The following ZC3H12B variants were observed in gnomAD, a reference collection of about 807,000 sequenced individuals.
The protein encoded by ZC3H12B is probable ribonuclease ZC3H12B.
In ZC3H12B, 7 loss-of-function variants were observed where a neutral mutation model predicts 43.9. That is an observed-to-expected ratio of 0.16 (90% CI 0.09 to 0.30). ZC3H12B has a LOEUF of 0.30. Ranked by LOEUF, ZC3H12B falls within the 10% of genes least tolerant of loss-of-function variation. The pLI is 1.00. For missense variants in ZC3H12B, 475 were observed against 670.2 expected (o/e 0.71, Z 3.22); for synonymous variants, 222 against 241.7 (o/e 0.92, Z 0.76).
At chrX:65,422,549 T>TA (rs1491246123) in intron 3 of ZC3H12B, among the ~76,000 whole-genome samples, 3 of 109,624 alleles carry the variant, frequency 2.7e-5, no homozygotes, top group Non-Finnish European at 3.8e-5. Flanking sequence ...TTTTTTTTTT[T>TA]ATTATACTTT....
the ZC3H12B span, among the ~76,000 whole-genome samples, chrX:65,119,640 CTTTAG>C: frequency 9.0e-6 from 1 of 111,665 alleles, no homozygotes; most frequent in Admixed American, 9.5e-5. Context: ...TGCACAATCT[CTTTAG>C]TTTAATTAGA....
At chrX:65,287,604 A>G in the ZC3H12B span, among the ~76,000 whole-genome samples, 3 of 111,029 alleles carry the variant, frequency 2.7e-5, no homozygotes, top group Non-Finnish European at 5.7e-5. Flanking sequence ...TTACAAAAAG[A>G]AATTCCTTGA....
At chrX:65,124,570 T>A in the ZC3H12B span, among the ~76,000 whole-genome samples, 4 of 111,202 alleles carry the variant, frequency 3.6e-5, no homozygotes, top group Non-Finnish European at 7.6e-5. Context: ...TTATCAGTTC[T>A]CCATTGAATA....
At chrX:65,434,795 A>T (rs934617182) in intron 3 of ZC3H12B, among the ~76,000 whole-genome samples, 1 of 111,219 alleles carries the variant, frequency 9.0e-6, no homozygotes, top group Non-Finnish European at 1.9e-5. Flanking sequence ...GTCTGGCTTG[A>T]TAACTGCCTC....
At chrX:65,187,296 T>C in the ZC3H12B span, 1 of 111,925 alleles carries the variant, frequency 8.9e-6, no homozygotes, top group African/African-American at 3.2e-5. Context: ...AGTTAGAAGA[T>C]AGTGTGGATC....
chrX:65,259,839 TGAGTA>T, the ZC3H12B span, among the ~76,000 whole-genome samples: 5 of 111,330 alleles, frequency 4.5e-5, no homozygotes, highest in East Asian at 1.4e-3. Context: ...CATCAATCAA[TGAGTA>T]GAAAAAGAAA....
the ZC3H12B span, among the ~76,000 whole-genome samples, chrX:65,090,544 A>G: frequency 9.0e-6 from 1 of 111,596 alleles, no homozygotes. Context: ...TTTTTTCTAA[A>G]CAGTTTATTT....
the ZC3H12B span, among the ~76,000 whole-genome samples, chrX:65,137,121 A>C: frequency 8.9e-6 from 1 of 112,355 alleles, no homozygotes; most frequent in Non-Finnish European, 1.9e-5. Flanking sequence ...ACCTTTATTT[A>C]ATTATACCTT....
the ZC3H12B span, chrX:65,273,053 T>C: frequency 8.9e-6 from 1 of 112,264 alleles, no homozygotes; most frequent in Non-Finnish European, 1.9e-5. Context: ...CTGACTGTTC[T>C]GTTATGGCCA....
the ZC3H12B span, among the ~76,000 whole-genome samples, chrX:65,137,664 C>T: frequency 2.1e-3 from 236 of 111,387 alleles, no homozygotes; most frequent in African/African-American, 7.0e-3. Context: ...TGACATTTTT[C>T]GGTGTTATAT....
At chrX:65,035,173 C>T in the ZC3H12B span, among the ~76,000 whole-genome samples, 1 of 112,168 alleles carries the variant, frequency 8.9e-6, no homozygotes, top group South Asian at 3.7e-4. Context: ...CCTTCTCTCG[C>T]CCGCCGAGCC....
At chrX:65,166,722 T>A in the ZC3H12B span, among the ~76,000 whole-genome samples, 1 of 111,877 alleles carries the variant, frequency 8.9e-6, no homozygotes, top group Non-Finnish European at 1.9e-5. Flanking sequence ...TCTTGACTTT[T>A]TAATGATCGC....
the ZC3H12B span, among the ~76,000 whole-genome samples, chrX:65,295,623 C>T: frequency 9.0e-6 from 1 of 111,006 alleles, no homozygotes; most frequent in Non-Finnish European, 1.9e-5. Context: ...AAAGCTGGTT[C>T]TTTGAAAAGA....
chrX:65,168,368 G>A, the ZC3H12B span, among the ~76,000 whole-genome samples: 5 of 111,589 alleles, frequency 4.5e-5, no homozygotes, highest in African/African-American at 1.3e-4. Context: ...AACCAGCCTT[G>A]CATCCCAGGG....
chrX:65,214,353 A>G, the ZC3H12B span, among the ~76,000 whole-genome samples: 2 of 112,163 alleles, frequency 1.8e-5, no homozygotes, highest in South Asian at 3.6e-4. Context: ...TTTCAAAATT[A>G]GAGTCAATCC....
intron 4 of ZC3H12B, among the ~76,000 whole-genome samples, chrX:65,500,829 C>T (rs1433481237): frequency 9.0e-6 from 1 of 110,702 alleles, no homozygotes; most frequent in Admixed American, 9.7e-5. Flanking sequence ...GTGCGCCTAA[C>T]ATTGCGACAT....
chrX:65,056,303 T>G, the ZC3H12B span, among the ~76,000 whole-genome samples: 25 of 111,706 alleles, frequency 2.2e-4, no homozygotes, highest in African/African-American at 7.8e-4. Flanking sequence ...TTGTTCTCGT[T>G]GGTTTCAAAG....
chrX:65,197,169 G>A, the ZC3H12B span, among the ~76,000 whole-genome samples: 1 of 112,024 alleles, frequency 8.9e-6, no homozygotes, highest in South Asian at 3.7e-4. Context: ...GCAGAGGCGT[G>A]CACTACAGCG....
At chrX:65,188,205 T>C in the ZC3H12B span, among the ~76,000 whole-genome samples, 1 of 111,476 alleles carries the variant, frequency 9.0e-6, no homozygotes, top group East Asian at 2.8e-4. Flanking sequence ...AATCTATTCA[T>C]CTGTTGATGG....
Sources: allele counts gnomAD v4.1 joint callset (sites outside exome capture counted in the v4.1 genomes callset), GRCh38; gene constraint gnomAD v4.1.1; transcripts MANE v1.5; gene names NCBI Gene and HGNC (gene_info 2026-07-23, HGNC 2026-07-21).